ZNF626: variants seen among roughly 807,000 people sequenced by gnomAD.
ZNF626 encodes the protein CTC-513N18.7.
Under a neutral mutation model 11.7 loss-of-function variants are expected in ZNF626, and 4 were observed. That is an observed-to-expected ratio of 0.34 (90% confidence interval 0.17 to 0.78). The LOEUF is 0.78. Among genes scored for constraint, ZNF626 ranks in the 30% least tolerant of loss-of-function variants. The probability of loss-of-function intolerance (pLI) is 0.57; values close to 1 mark genes in which losing one functional copy is unlikely to be tolerated. For synonymous variants in ZNF626, 179 were observed against 198.6 expected, an observed-to-expected ratio of 0.90 and a Z score of 0.83; for missense variants, 588 against 587.1, an observed-to-expected ratio of 1.00 and a Z score of -0.01.
chr19:20,653,783 A>C (rs73010251), intron 1 of ZNF626, among the ~76,000 whole-genome samples: 14,308 of 152,170 alleles, frequency 0.094, 732 homozygotes, highest in South Asian at 0.14. Context: ...ATTGAAATAC[A>C]TCTTACAACT....
chr19:20,628,205 G>A (rs1338901161), intron 3 of ZNF626, among the ~76,000 whole-genome samples: 1 of 152,158 alleles, frequency 6.6e-6, no homozygotes, highest in Non-Finnish European at 1.5e-5. Flanking sequence ...TTGGTTCCAA[G>A]TCTTTGCTAT....
chr19:20,627,511 CAGAA>C (rs1969851682), intron 3 of ZNF626, among the ~76,000 whole-genome samples: 1 of 151,732 alleles, frequency 6.6e-6, no homozygotes, highest in African/African-American at 2.4e-5. Context: ...ACGAAAACCA[CAGAA>C]AGAAAAGGAA....
chr19:20,630,961 C>T (rs1969897694), intron 3 of ZNF626, among the ~76,000 whole-genome samples: 1 of 151,656 alleles, frequency 6.6e-6, no homozygotes, highest in African/African-American at 2.4e-5. Context: ...CCCAGAGATT[C>T]TGGTATGTTG....
chr19:20,635,556 C>T lies in ZNF626; in HGVS notation c.227-9906G>A, dbSNP rs115925274. ...CAGGATGGTCTCAATCTTCTGACAC[C>T]GTGATCCACCCACCTCGGCCTTTGA... On this transcript the variant is annotated intron_variant, in intron 3 of 3. Coordinates refer to ENST00000601440, the MANE Select transcript of ZNF626 (RefSeq NM_001076675.3). Among the ~76,000 whole-genome samples the T allele has an allele frequency of 6.4e-3, 976 of 152,160 alleles. 14 individuals carry two copies. The highest frequency in any genetic ancestry group is 0.022 in the African/African-American group (923 of 41,508).
rs1970067210 is a variant in ZNF626, at chr19:20,645,557, T to C, written c.226+127A>G. The C allele has an allele frequency of 2.6e-6, 4 of 1,549,280 alleles. No homozygotes were observed. In the East Asian group the frequency reaches 7.0e-5, roughly 27 times the overall value. On this transcript the variant is annotated intron_variant, in intron 3 of 3. Transcript: ENST00000601440. ...ACCAAACAAACAAACAAACAAAAAA[T>C]AGCTGCCCAAGAACTATTTCCTTTG...
intron 1 of ZNF626, among the ~76,000 whole-genome samples, chr19:20,657,035 A>G (rs274807): frequency 0.49 from 75,095 of 152,084 alleles, 20,897 homozygotes; most frequent in African/African-American, 0.76. Flanking sequence ...GCAAAGACGT[A>G]GACAGGCCCT....
intron 1 of ZNF626, among the ~76,000 whole-genome samples, chr19:20,655,541 A>T (rs1312688675): frequency 1.3e-5 from 2 of 152,220 alleles, no homozygotes; most frequent in African/African-American, 2.4e-5. Context: ...AAAAATGACA[A>T]AACTTTTATT....
At chr19:20,648,175 CAA>C (rs34417157) in intron 1 of ZNF626, among the ~76,000 whole-genome samples, 24 of 104,044 alleles carry the variant, frequency 2.3e-4, no homozygotes, top group Non-Finnish European at 1.5e-4. Flanking sequence ...GACTCCGTGT[CAA>C]AAAAAAAAAA....
At chr19:20,646,004 T>C (rs1184855451) in intron 2 of ZNF626, among the ~76,000 whole-genome samples, 1 of 152,182 alleles carries the variant, frequency 6.6e-6, no homozygotes, top group African/African-American at 2.4e-5. Flanking sequence ...GGCAATTAGA[T>C]TTTCAGGTGG....
Position 20,624,252 on chromosome 19 carries a change from A to G in ZNF626, c.*38T>C, listed in dbSNP as rs782687850. ...TAGAGAAATGCTTAAAAGCTTTGTCACATTCTTCACATTTGTAGAATTTCT... is the reference window on the plus strand; with the variant it reads ...TAGAGAAATGCTTAAAAGCTTTGTCGCATTCTTCACATTTGTAGAATTTCT... On this transcript the variant is annotated 3_prime_UTR_variant, in exon 4 of 4. Coordinates refer to ENST00000601440, the MANE Select transcript of ZNF626 (RefSeq NM_001076675.3). The G allele has an allele frequency of 6.2e-7, 1 of 1,613,172 alleles. No homozygotes were observed. The highest frequency in any genetic ancestry group is 2.2e-5 in the East Asian group (1 of 44,838).
In ZNF626 at chr19:20,622,622, A is replaced by G. The variant is rs1969770346; in HGVS notation, c.*1668T>C. On this transcript the variant is annotated 3_prime_UTR_variant, in exon 4 of 4. Transcript: ENST00000601440. Reference sequence around the variant, plus strand: ...TCAAAAAAATTGTTTTCAAGGAAACAAATATACTTTCAATGTAAATACAAA... The same window carrying G: ...TCAAAAAAATTGTTTTCAAGGAAACGAATATACTTTCAATGTAAATACAAA... 1 of 152,210 alleles carries G rather than the reference A, an allele frequency of 6.6e-6. No individual in the cohort carries two copies. Among genetic ancestry groups the G allele is most frequent in the African/African-American group, 2.4e-5 (1 of 41,450 alleles). 9.4% of individuals were successfully genotyped at this position (152,210 alleles called of 1,614,324 possible).
chr19:20,647,734 C>T (rs1970098070), intron 1 of ZNF626, among the ~76,000 whole-genome samples: 1 of 151,998 alleles, frequency 6.6e-6, no homozygotes, highest in African/African-American at 2.4e-5. Flanking sequence ...GATCCACCCA[C>T]CTCGGCCTCC....
intron 3 of ZNF626, among the ~76,000 whole-genome samples, chr19:20,628,083 T>C (rs1254909208): frequency 6.6e-6 from 1 of 152,162 alleles, no homozygotes; most frequent in African/African-American, 2.4e-5. Context: ...TCCAGTTTCA[T>C]CCATGTCCCT....
intron 1 of ZNF626, among the ~76,000 whole-genome samples, chr19:20,660,827 AC>A (rs1970258592): frequency 6.6e-6 from 1 of 152,166 alleles, no homozygotes; most frequent in Admixed American, 6.5e-5. Context: ...TTAGACCCAA[AC>A]TTTTTCCAAA....
intron 3 of ZNF626, among the ~76,000 whole-genome samples, chr19:20,626,117 C>G (rs1225942078): frequency 1.3e-5 from 2 of 151,684 alleles, no homozygotes; most frequent in Non-Finnish European, 2.9e-5. Context: ...AAAAAATTAG[C>G]TGGGTGTGGC....
At chr19:20,661,380 G>A (rs201183750) in intron 1 of ZNF626, 64 bp downstream of exon 1, 18 of 1,609,884 alleles carry the variant, frequency 1.1e-5, no homozygotes, top group Non-Finnish European at 1.5e-5. Flanking sequence ...TCCCGCCACA[G>A]CCACTTTTCA....
rs1555769025 is a variant in ZNF626 at position 20,623,802 on chromosome 19, A to G, written c.*488T>C. 1 of 35,360 alleles carries G rather than the reference A, an allele frequency of 2.8e-5. No individual in the cohort carries two copies. The highest frequency in any genetic ancestry group is 1.8e-3 in the East Asian group (1 of 556). 2.2% of individuals were successfully genotyped at this position (35,360 alleles called of 1,614,324 possible). ...TGACAAGAGTTGAAACTCCATCTCA[A>G]AAAAAAAAAAAAAAAGACAGAACTT... On this transcript the variant is annotated 3_prime_UTR_variant, in exon 4 of 4. Coordinates refer to ENST00000601440, the MANE Select transcript of ZNF626 (RefSeq NM_001076675.3).
chr19:20,627,350 A>C (rs1969848968), intron 3 of ZNF626, among the ~76,000 whole-genome samples: 1 of 152,080 alleles, frequency 6.6e-6, no homozygotes, highest in African/African-American at 2.4e-5. Flanking sequence ...ATTCAACTGA[A>C]GTTTATTTTT....
In ZNF626 at chr19:20,625,451, T is replaced by C; in HGVS notation, c.426A>G (p.Arg142=). The C allele has an allele frequency of 6.2e-7, 1 of 1,614,132 alleles. No individual in the cohort carries two copies. Among genetic ancestry groups the C allele is most frequent in the Non-Finnish European group, 8.5e-7 (1 of 1,180,002 alleles). The change falls in exon 4 of 4, where the codon AGA becomes AGG. Residue 142 remains arginine (R), a synonymous_variant. Transcript: ENST00000601440. ...ELNQCLTTTP[R]KICQCDKYVK... is the part of the protein sequence containing the mutation. ...CATATTTATCACATTGACATATTTT[T>C]CTTGGGGTAGTTGTCAAACATTGGT...
Sources: allele counts gnomAD v4.1 joint callset (sites outside exome capture counted in the v4.1 genomes callset), GRCh38; gene constraint gnomAD v4.1.1; transcripts MANE v1.5; gene names NCBI Gene and HGNC (gene_info 2026-07-23, HGNC 2026-07-21).